SDHAF3: variants seen among roughly 807,000 people sequenced by gnomAD.
SDHAF3 encodes succinate dehydrogenase assembly factor 3, mitochondrial.
A neutral mutation model predicts 11.5 loss-of-function variants in SDHAF3; 18 were observed. The ratio of observed to expected loss-of-function variants is 1.56; its 90% confidence interval spans 1.08 to 2.32. The LOEUF (loss-of-function observed/expected upper bound fraction) is 2.32. Among genes scored for constraint, SDHAF3 ranks in the 30% most tolerant of loss-of-function variants. The probability of loss-of-function intolerance (pLI) is 0.00; values close to 1 mark genes in which losing one functional copy is unlikely to be tolerated. For synonymous variants in SDHAF3, 72 were observed against 59.3 expected (o/e 1.21, Z -0.99); for missense variants, 200 against 154.4 (o/e 1.30, Z -1.57).
chr7:97,144,070 C>T (rs1789099205), intron 1 of SDHAF3, among the ~76,000 whole-genome samples: 1 of 152,044 alleles, frequency 6.6e-6, no homozygotes, highest in South Asian at 2.1e-4. Flanking sequence ...TTTTGATTTG[C>T]ATTTCCCTGA....
chr7:97,128,886 T>C (rs1370462684), intron 1 of SDHAF3, among the ~76,000 whole-genome samples: 1 of 152,096 alleles, frequency 6.6e-6, no homozygotes, highest in African/African-American at 2.4e-5. Flanking sequence ...TTTTTTTTCC[T>C]TTGAGATAGG....
rs1376546330 is a variant in SDHAF3, at chr7:97,154,064, G to A, written c.175-26948G>A. ...GGTGGGATTATCATTAGTTCTTATAGGTTTTGGGATAGGCGGTGGAGTTAG... is the reference window on the plus strand; with the variant it reads ...GGTGGGATTATCATTAGTTCTTATAAGTTTTGGGATAGGCGGTGGAGTTAG... On this transcript the variant is annotated intron_variant, in intron 1 of 1. Coordinates refer to ENST00000432641, the MANE Select transcript of SDHAF3 (RefSeq NM_020186.3). Among the ~76,000 whole-genome samples the A allele has an allele frequency of 2.0e-5, 3 of 152,278 alleles. No individual in the cohort carries two copies. The East Asian group carries it at 5.8e-4, about 29-fold the overall frequency.
At chr7:97,161,729 T>G (rs967990952) in intron 1 of SDHAF3, among the ~76,000 whole-genome samples, 1 of 152,176 alleles carries the variant, frequency 6.6e-6, no homozygotes, top group African/African-American at 2.4e-5. Flanking sequence ...AATGATGGTT[T>G]CCAGCTTCAT....
chr7:97,176,767 AATT>A (rs1464285130), intron 1 of SDHAF3, among the ~76,000 whole-genome samples: 1 of 152,196 alleles, frequency 6.6e-6, no homozygotes, highest in Admixed American at 6.5e-5. Flanking sequence ...TTATTCCCAT[AATT>A]ATTATAAATT....
intron 1 of SDHAF3, among the ~76,000 whole-genome samples, chr7:97,141,504 C>T (rs371391216): frequency 5.9e-5 from 9 of 152,142 alleles, no homozygotes; most frequent in East Asian, 3.9e-4. Context: ...ATTTCTCAGA[C>T]TGGCCAACAC....
intron 1 of SDHAF3, among the ~76,000 whole-genome samples, chr7:97,127,897 GTTTTTTTTTTTT>G (rs920829054): frequency 9.4e-5 from 10 of 106,262 alleles, no homozygotes; most frequent in African/African-American, 3.6e-4. Context: ...TCTACATCAA[GTTTTTTTTTTTT>G]TTTTTTTTTT....
In SDHAF3 at chr7:97,117,898, G is replaced by A; in HGVS notation, c.174+1G>A. ...ACAGCGTTTCTTGCAAGAATGGGAG[G>A]CAAGTGACGCTCCCTTCTCTTTGCC... On this transcript the variant is annotated splice_donor_variant, in intron 1 of 1. Transcript: ENST00000432641. LOFTEE classifies it high-confidence loss of function. 6.2e-7 allele frequency: 1 copy of A among 1,613,792 alleles called. No individual in the cohort carries two copies. Among genetic ancestry groups the A allele is most frequent in the Non-Finnish European group, 8.5e-7 (1 of 1,179,764 alleles).
At chr7:97,170,098 G>A (rs1174941772) in intron 1 of SDHAF3, among the ~76,000 whole-genome samples, 2 of 144,276 alleles carry the variant, frequency 1.4e-5, no homozygotes, top group Admixed American at 6.9e-5. Context: ...TGGCTAGTTC[G>A]TTTTTTTTTT....
intron 1 of SDHAF3, among the ~76,000 whole-genome samples, chr7:97,156,879 T>C (rs1789309755): frequency 6.6e-6 from 1 of 152,194 alleles, no homozygotes; most frequent in Admixed American, 6.5e-5. Flanking sequence ...CGTGCAGGTT[T>C]GTTACACAGG....
In SDHAF3 at chr7:97,150,297, G is replaced by A. The variant is rs1328223926; in HGVS notation, c.175-30715G>A. ...AAATGCTGTTAATCGCATCTAGAAT[G>A]GTGAATCCTTTCCAGGAGTTTTTCA... On this transcript the variant is annotated intron_variant, in intron 1 of 1. Transcript: ENST00000432641. Among the ~76,000 whole-genome samples, 7 of 152,298 alleles carry A rather than the reference G, an allele frequency of 4.6e-5. No individual in the cohort carries two copies. In the East Asian group the frequency reaches 1.3e-3, roughly 29 times the overall value.
intron 1 of SDHAF3, among the ~76,000 whole-genome samples, chr7:97,143,371 C>A (rs757690100): frequency 6.6e-6 from 1 of 151,926 alleles, no homozygotes; most frequent in East Asian, 1.9e-4. Flanking sequence ...AGTTCTTTAG[C>A]GGTGATTTGT....
At chr7:97,131,995 A>G (rs1260200485) in intron 1 of SDHAF3, among the ~76,000 whole-genome samples, 1 of 152,218 alleles carries the variant, frequency 6.6e-6, no homozygotes, top group African/African-American at 2.4e-5. Context: ...ATTACATATA[A>G]ACTTTATCTT....
At chr7:97,120,709 C>G (rs1254305798) in intron 1 of SDHAF3, among the ~76,000 whole-genome samples, 1 of 152,120 alleles carries the variant, frequency 6.6e-6, no homozygotes, top group Non-Finnish European at 1.5e-5. Context: ...CTACACGATC[C>G]CAGTCCCTCA....
At chr7:97,161,616 TG>T (rs1441246819) in intron 1 of SDHAF3, among the ~76,000 whole-genome samples, 2 of 152,116 alleles carry the variant, frequency 1.3e-5, no homozygotes, top group Non-Finnish European at 2.9e-5. Flanking sequence ...CCCTGGTGTG[TG>T]CTGTTCCCCT....
intron 1 of SDHAF3, among the ~76,000 whole-genome samples, chr7:97,138,578 C>T (rs182460487): frequency 6.6e-5 from 10 of 150,652 alleles, no homozygotes; most frequent in Non-Finnish European, 1.2e-4. Context: ...GATTATCTGA[C>T]GTTGATTAAC....
chr7:97,175,596 G>C (rs1789667806), intron 1 of SDHAF3, among the ~76,000 whole-genome samples: 1 of 152,174 alleles, frequency 6.6e-6, no homozygotes, highest in South Asian at 2.1e-4. Context: ...GACCATACCA[G>C]TAATTTAATA....
Position 97,180,990 on chromosome 7 carries a change from CCTT to C in SDHAF3, c.175-20_175-18del. On this transcript the variant is annotated intron_variant, in intron 1 of 1. Transcript: ENST00000432641. ...TATTATTTAAACTTTACATCTATAA[CCTT>C]CATTCTTTATCTTTTTAGGTGTATG... 6.3e-7 allele frequency: 1 copy of C among 1,593,260 alleles called. No individual in the cohort carries two copies. The highest frequency in any genetic ancestry group is 1.7e-4 in the Middle Eastern group (1 of 5,910).
chr7:97,178,272 A>G (rs550286886), intron 1 of SDHAF3, among the ~76,000 whole-genome samples: 1 of 152,328 alleles, frequency 6.6e-6, no homozygotes, highest in African/African-American at 2.4e-5. Flanking sequence ...GTATGTGTAT[A>G]CCACATTTTG....
At chr7:97,177,972 C>T (rs1259270524) in intron 1 of SDHAF3, among the ~76,000 whole-genome samples, 2 of 152,146 alleles carry the variant, frequency 1.3e-5, no homozygotes, top group South Asian at 4.1e-4. Flanking sequence ...TAATTTTTTT[C>T]CTGGACACTG....
Sources: allele counts gnomAD v4.1 joint callset (sites outside exome capture counted in the v4.1 genomes callset), GRCh38; gene constraint gnomAD v4.1.1; transcripts MANE v1.5; gene names NCBI Gene and HGNC (gene_info 2026-07-23, HGNC 2026-07-21).